Variants in RARB observed in about 807,000 individuals in gnomAD.
RARB encodes retinoic acid receptor beta, also known as HBV-activated protein.
RARB carries 17 observed loss-of-function variants against 51.9 expected under a neutral mutation model. That is an observed-to-expected ratio of 0.33 (90% confidence interval 0.22 to 0.49). The LOEUF (loss-of-function observed/expected upper bound fraction) is 0.49. Ranked by LOEUF, RARB falls within the 20% of genes least tolerant of loss-of-function variation. The probability of loss-of-function intolerance (pLI) is 0.99; values close to 1 mark genes in which losing one functional copy is unlikely to be tolerated. For missense variants in RARB, 369 were observed against 550.8 expected (o/e 0.67, Z 3.30); for synonymous variants, 215 against 195.4 (o/e 1.10, Z -0.84).
intron 5 of RARB, among the ~76,000 whole-genome samples, chr3:25,326,617 A>G (rs926802094): frequency 6.6e-6 from 1 of 152,172 alleles, no homozygotes; most frequent in African/African-American, 2.4e-5. Context: ...TCAGCAAAGT[A>G]GTTACCTTGG....
At chr3:24,904,976 G>C (rs907147855) in intron 2 of RARB, among the ~76,000 whole-genome samples, 1 of 152,100 alleles carries the variant, frequency 6.6e-6, no homozygotes, top group Non-Finnish European at 1.5e-5. Flanking sequence ...AAACACATGG[G>C]CACAGGGAGG....
intron 2 of RARB, among the ~76,000 whole-genome samples, chr3:24,916,498 C>G (rs913792588): frequency 6.6e-6 from 1 of 152,088 alleles, no homozygotes; most frequent in Admixed American, 6.5e-5. Flanking sequence ...TGGTTATTAC[C>G]TACTCCCTCT....
At chr3:24,973,977 T>C (rs572647358) in intron 2 of RARB, among the ~76,000 whole-genome samples, 47 of 152,168 alleles carry the variant, frequency 3.1e-4, no homozygotes, top group African/African-American at 1.1e-3. Context: ...GCCAGAACTT[T>C]CAGTACTGTG....
chr3:25,594,888 C>T (rs371267625), intron 7 of RARB, among the ~76,000 whole-genome samples: 89 of 149,980 alleles, frequency 5.9e-4, no homozygotes, highest in African/African-American at 2.0e-3. Flanking sequence ...ATTATCTTAA[C>T]GATTGAGAGC....
intron 2 of RARB, among the ~76,000 whole-genome samples, chr3:24,896,501 C>T (rs140631800): frequency 2.8e-3 from 423 of 152,092 alleles, no homozygotes; most frequent in African/African-American, 6.1e-3. Context: ...CCTCCTGATC[C>T]GCCCGCCTCG....
At chr3:25,222,159 G>A (rs1464276392) in intron 5 of RARB, among the ~76,000 whole-genome samples, 2 of 152,116 alleles carry the variant, frequency 1.3e-5, no homozygotes, top group Non-Finnish European at 2.9e-5. Context: ...GTGTTACTCC[G>A]GAGGCAGGAC....
intron 4 of RARB, among the ~76,000 whole-genome samples, chr3:25,579,337 C>G (rs982676422): frequency 1.3e-5 from 2 of 152,160 alleles, no homozygotes; most frequent in African/African-American, 4.8e-5. Flanking sequence ...TTCCATTGCT[C>G]CAGAGAGTTT....
At chr3:25,549,459 T>C (rs1042130270) in intron 3 of RARB, among the ~76,000 whole-genome samples, 14 of 152,070 alleles carry the variant, frequency 9.2e-5, no homozygotes, top group African/African-American at 2.4e-4. Context: ...GAAATACAGG[T>C]TGGGAAGGAT....
At chr3:25,111,643 A>G (rs1699603940) in intron 3 of RARB, among the ~76,000 whole-genome samples, 2 of 147,410 alleles carry the variant, frequency 1.4e-5, no homozygotes, top group Non-Finnish European at 3.0e-5. Flanking sequence ...CACTGGCACA[A>G]TCTCAGCTCA....
At chr3:24,976,503 C>T (rs1289823195) in intron 2 of RARB, among the ~76,000 whole-genome samples, 1 of 152,174 alleles carries the variant, frequency 6.6e-6, no homozygotes. Flanking sequence ...TTTTGATTTG[C>T]ATTTCTCTGA....
chr3:25,067,842 G>T (rs541030894), intron 3 of RARB, among the ~76,000 whole-genome samples: 97 of 152,036 alleles, frequency 6.4e-4, no homozygotes, highest in African/African-American at 2.3e-3. Context: ...ATTCTTCTAG[G>T]AAATTAAATC....
chr3:25,504,029 T>C (rs1474059916), intron 3 of RARB, among the ~76,000 whole-genome samples: 1 of 152,196 alleles, frequency 6.6e-6, no homozygotes, highest in African/African-American at 2.4e-5. Context: ...ATTAGCAAGA[T>C]TCACATTCCA....
At chr3:25,082,860 T>C (rs1191483705) in intron 3 of RARB, among the ~76,000 whole-genome samples, 4 of 152,114 alleles carry the variant, frequency 2.6e-5, no homozygotes, top group Non-Finnish European at 5.9e-5. Flanking sequence ...AGTCTTCTGG[T>C]GCTGAAGTCT....
intron 4 of RARB, among the ~76,000 whole-genome samples, chr3:25,153,731 C>A (rs1328834659): frequency 6.6e-6 from 1 of 152,140 alleles, no homozygotes; most frequent in Non-Finnish European, 1.5e-5. Context: ...CACAGGCCTC[C>A]CAAAGTGCTG....
intron 2 of RARB, among the ~76,000 whole-genome samples, chr3:24,895,645 G>A (rs1358014842): frequency 4.7e-5 from 7 of 148,594 alleles, no homozygotes; most frequent in African/African-American, 1.5e-4. Context: ...AAGGAGTCTC[G>A]CTCTTTCACC....
At chr3:24,994,929 T>A (rs1365369794) in intron 2 of RARB, among the ~76,000 whole-genome samples, 1 of 152,114 alleles carries the variant, frequency 6.6e-6, no homozygotes, top group Non-Finnish European at 1.5e-5. Flanking sequence ...AGTGTGATAC[T>A]TCCAGCTTTG....
rs11360533 is a variant in RARB, at chr3:25,430,988, C to CTTT, written c.157+2118_157+2120dup. Among the ~76,000 whole-genome samples, 18 of 105,178 alleles carry CTTT rather than the reference C, an allele frequency of 1.7e-4. No homozygotes were observed. The East Asian group carries it at 3.1e-3, about 18-fold the overall frequency. The allele number at this position is 105,178 out of a possible 152,430, so 69.0% of individuals were successfully genotyped here. On this transcript the variant is annotated intron_variant, in intron 1 of 7. Transcript: ENST00000330688. ...TTTTTTAGCATAAATAAAACTAAAACTTTTTTTTTTTTTTTTTTTTAGAGA... is the reference window on the plus strand; with the variant it reads ...TTTTTTAGCATAAATAAAACTAAAACTTTTTTTTTTTTTTTTTTTTTTTAGAGA...
At chr3:25,042,720 A>T (rs1343100658) in intron 2 of RARB, among the ~76,000 whole-genome samples, 2 of 152,218 alleles carry the variant, frequency 1.3e-5, no homozygotes, top group Non-Finnish European at 1.5e-5. Context: ...GTCCATGTCA[A>T]TGTGAATGTG....
intron 5 of RARB, among the ~76,000 whole-genome samples, chr3:25,398,848 A>C (rs1707187142): frequency 6.6e-6 from 1 of 152,230 alleles, no homozygotes; most frequent in South Asian, 2.1e-4. Flanking sequence ...ACATTAATAT[A>C]TATTTTATGT....
Sources: allele counts gnomAD v4.1 joint callset (sites outside exome capture counted in the v4.1 genomes callset), GRCh38; gene constraint gnomAD v4.1.1; transcripts MANE v1.5; gene names NCBI Gene and HGNC (gene_info 2026-07-23, HGNC 2026-07-21).